Variants in DDX46 observed in about 807,000 individuals in gnomAD.
The protein encoded by DDX46 is probable ATP-dependent RNA helicase DDX46.
DDX46 carries 30 observed loss-of-function variants against 134.9 expected under a neutral mutation model. That is an observed-to-expected ratio of 0.22 (90% CI 0.17 to 0.30). The LOEUF is 0.30. DDX46 is among the 10% of genes least tolerant of loss of function. The pLI, the probability that DDX46 is intolerant of heterozygous loss-of-function variation, is 1.00. For synonymous variants in DDX46, 415 were observed against 404.1 expected (o/e 1.03, Z -0.32); for missense variants, 622 against 1,248.7 (o/e 0.50, Z 7.56).
intron 14 of DDX46, 111 bp downstream of exon 14, chr5:134,795,125 C>A: frequency 2.4e-6 from 3 of 1,226,260 alleles, no homozygotes; most frequent in Non-Finnish European, 3.4e-6. Flanking sequence ...AAAATCAAGT[C>A]GTATACCACT....
chr5:134,793,593 C>T (rs1442375730), intron 13 of DDX46, among the ~76,000 whole-genome samples: 4 of 152,012 alleles, frequency 2.6e-5, no homozygotes, highest in Non-Finnish European at 5.9e-5. Context: ...TTAGTAGAGA[C>T]AGGGTTTCAC....
Position 134,758,821 on chromosome 5 carries a change from G to A in DDX46, c.-118G>A. On this transcript the variant is annotated 5_prime_UTR_variant, in exon 1 of 23. The change creates a new upstream start codon in the 5' untranslated region. Coordinates refer to ENST00000452510, the MANE Select transcript of DDX46 (RefSeq NM_001300860.2). ...GCTGGGATGGCCGCCACAGCTGTAG[G>A]TGCTGCTAGTGTTTAGCGCTGGTCT... 2.0e-6 allele frequency: 3 copies of A among 1,497,364 alleles called. No individual in the cohort carries two copies. Among genetic ancestry groups the A allele is most frequent in the Non-Finnish European group, 2.8e-6 (3 of 1,080,086 alleles). 92.8% of individuals were successfully genotyped at this position (1,497,364 alleles called of 1,614,324 possible).
intron 3 of DDX46, among the ~76,000 whole-genome samples, chr5:134,769,644 G>A (rs2150132403): frequency 6.6e-6 from 1 of 151,184 alleles, no homozygotes; most frequent in African/African-American, 2.4e-5. Flanking sequence ...GAGTTCAAGT[G>A]ATTCTCCTGC....
chr5:134,790,595 C>CT, intron 13 of DDX46, 43 bp downstream of exon 13: 4 of 1,506,012 alleles, frequency 2.7e-6, no homozygotes, highest in Non-Finnish European at 3.6e-6. Context: ...GTAAATATAA[C>CT]TTTGTAGTTG....
chr5:134,811,730 C>G lies in DDX46; in HGVS notation c.2321C>G (p.Ser774Cys), dbSNP rs1755146318. 3.1e-6 allele frequency: 5 copies of G among 1,612,044 alleles called. No homozygotes were observed. The highest frequency in any genetic ancestry group is 4.2e-6 in the Non-Finnish European group (5 of 1,179,462). Reference sequence around the variant, plus strand: ...ATAATTAAAAAGAGTAGTGGGTTCTCTGGTAAGGGATTCAAGTTTGATGAA... The same window carrying G: ...ATAATTAAAAAGAGTAGTGGGTTCTGTGGTAAGGGATTCAAGTTTGATGAA... Reference protein sequence around the residue: ...GKIIKKSSGFSGKGFKFDETE... With the variant: ...GKIIKKSSGFCGKGFKFDETE... The change falls in exon 18 of 23, where the codon TCT becomes TGT. Residue 774 changes from serine (S) to cysteine (C), a missense_variant. This residue lies in a region of DDX46 where 209 missense variants were observed against 508.4 expected (regional missense o/e 0.41). Coordinates refer to ENST00000452510, the MANE Select transcript of DDX46 (RefSeq NM_001300860.2).
rs1044446989 is a variant in DDX46 at position 134,791,490 on chromosome 5, G to A, written c.1626+938G>A. 2.6e-5 allele frequency among the ~76,000 whole-genome samples: 4 copies of A among 152,136 alleles called. No individual in the cohort carries two copies. The South Asian group carries it at 6.2e-4, about 24-fold the overall frequency. ...GCAGGAGAATGGCGTGAACCCGGGC[G>A]GCGGAGCTTGCAGTGAGCTGAGATC... On this transcript the variant is annotated intron_variant, in intron 13 of 22. Coordinates refer to ENST00000452510, the MANE Select transcript of DDX46 (RefSeq NM_001300860.2).
intron 21 of DDX46, 115 bp from the exon 22 acceptor site, chr5:134,826,832 G>C (rs951631333): frequency 1.3e-5 from 12 of 891,616 alleles, no homozygotes; most frequent in Non-Finnish European, 2.0e-5. Flanking sequence ...ATCTTGGCAG[G>C]CAGTACAGTG....
At chr5:134,767,096 C>T in intron 3 of DDX46, 36 bp downstream of exon 3, 1 of 1,555,988 alleles carries the variant, frequency 6.4e-7, no homozygotes, top group Non-Finnish European at 8.7e-7. Flanking sequence ...ATAGTGCAGA[C>T]TGGGGACTGC....
intron 15 of DDX46, among the ~76,000 whole-genome samples, chr5:134,803,918 CTTTTTTTT>C (rs201944776): frequency 2.1e-5 from 2 of 94,896 alleles, no homozygotes; most frequent in African/African-American, 3.8e-5. Context: ...GATGATTCTT[CTTTTTTTT>C]TTTTTTTTTT....
At chr5:134,815,808 G>A (rs1047680380) in intron 18 of DDX46, among the ~76,000 whole-genome samples, 7 of 151,792 alleles carry the variant, frequency 4.6e-5, no homozygotes, top group Non-Finnish European at 8.8e-5. Context: ...CCTTGATGGG[G>A]AAACAACCTG....
chr5:134,763,798 T>A, intron 1 of DDX46, 106 bp from the exon 2 acceptor site: 2 of 1,292,444 alleles, frequency 1.5e-6, no homozygotes, highest in Non-Finnish European at 1.0e-6. Context: ...AAAAAGTTCT[T>A]TGAGTGTTAA....
chr5:134,789,063 T>A (rs559513936), intron 12 of DDX46, among the ~76,000 whole-genome samples: 7 of 152,216 alleles, frequency 4.6e-5, no homozygotes, highest in Non-Finnish European at 1.0e-4. Flanking sequence ...AGTATTTTCT[T>A]AGATACTACA....
intron 2 of DDX46, 143 bp downstream of exon 2, chr5:134,764,235 G>A (rs949695745): frequency 4.2e-6 from 3 of 707,716 alleles, no homozygotes; most frequent in African/African-American, 3.6e-5. Context: ...TGTTTGATTA[G>A]ACCCAGAAGG....
chr5:134,762,733 C>CA (rs1428707993), intron 1 of DDX46, among the ~76,000 whole-genome samples: 5 of 149,264 alleles, frequency 3.3e-5, no homozygotes, highest in South Asian at 2.1e-4. Context: ...GACTCTGTCT[C>CA]AAAAAAAATA....
intron 13 of DDX46, among the ~76,000 whole-genome samples, chr5:134,792,593 A>G (rs1258459945): frequency 6.6e-6 from 1 of 152,146 alleles, no homozygotes; most frequent in Admixed American, 6.6e-5. Context: ...CTTTAAGTAG[A>G]TAGAGTGATT....
At chr5:134,763,039 A>G (rs1741349379) in intron 1 of DDX46, among the ~76,000 whole-genome samples, 1 of 152,138 alleles carries the variant, frequency 6.6e-6, no homozygotes, top group South Asian at 2.1e-4. Context: ...AGCCTAGGCA[A>G]CAGAGCCAGA....
chr5:134,761,887 A>G (rs1323291072), intron 1 of DDX46, among the ~76,000 whole-genome samples: 1 of 152,092 alleles, frequency 6.6e-6, no homozygotes, highest in African/African-American at 2.4e-5. Context: ...GTCTTTGCTA[A>G]TCCTGCCTAT....
chr5:134,797,529 A>G (rs1754703053), intron 15 of DDX46, among the ~76,000 whole-genome samples: 1 of 152,204 alleles, frequency 6.6e-6, no homozygotes, highest in South Asian at 2.1e-4. Context: ...CCAAGAGGAA[A>G]GAACAAGAAG....
intron 20 of DDX46, among the ~76,000 whole-genome samples, 191 bp downstream of exon 20, chr5:134,817,905 G>A (rs1755323898): frequency 6.6e-6 from 1 of 151,416 alleles, no homozygotes; most frequent in African/African-American, 2.4e-5. Context: ...AACTTATGAT[G>A]CAGGTATGTA....
Sources: allele counts gnomAD v4.1 joint callset (sites outside exome capture counted in the v4.1 genomes callset), GRCh38; gene constraint gnomAD v4.1.1; regional missense constraint gnomAD v4.1.1; transcripts MANE v1.5; gene names NCBI Gene and HGNC (gene_info 2026-07-23, HGNC 2026-07-21).